PTPRA: variants seen among roughly 807,000 people sequenced by gnomAD.
The protein encoded by PTPRA is protein tyrosine phosphatase receptor type A.
Under a neutral mutation model 104.8 loss-of-function variants are expected in PTPRA, and 25 were observed. That is an observed-to-expected ratio of 0.24 (90% CI 0.17 to 0.33). PTPRA has a LOEUF of 0.33. Among genes scored for constraint, PTPRA ranks in the 10% least tolerant of loss-of-function variants. PTPRA has a pLI of 1.00. For synonymous variants in PTPRA, 323 were observed against 368.9 expected (o/e 0.88, Z 1.43); for missense variants, 765 against 1,015.3 (o/e 0.75, Z 3.35).
Position 3,022,315 on chromosome 20 carries a change from G to T in PTPRA, c.1328+95G>T, listed in dbSNP as rs2064917399. 6.8e-7 allele frequency: 1 copy of T among 1,462,478 alleles called. No homozygotes were observed. Among genetic ancestry groups the T allele is most frequent in the African/African-American group, 1.4e-5 (1 of 70,936 alleles). 90.6% of individuals were successfully genotyped at this position (1,462,478 alleles called of 1,614,324 possible). ...ACAAGGGCCCTGGCTGAGGAGGCTG[G>T]CACAGAGTAGATGACCTACTGGGGC... is the stretch of plus-strand genomic sequence containing the variant. On this transcript the variant is annotated intron_variant, in intron 15 of 23. Coordinates refer to ENST00000399903, the MANE Select transcript of PTPRA (RefSeq NM_001385305.1). The surrounding 1 kb of genome is among the most constrained non-coding windows in gnomAD (Gnocchi z 4.6).
intron 6 of PTPRA, among the ~76,000 whole-genome samples, chr20:2,975,659 T>C (rs73581775): frequency 0.059 from 9,044 of 152,174 alleles, 872 homozygotes; most frequent in African/African-American, 0.2. Flanking sequence ...TTATATGGAT[T>C]TTATGGATTT....
In PTPRA at chr20:2,988,083, C is replaced by T. The variant is rs1344249906; in HGVS notation, c.579C>T (p.Ser193=). The T allele has an allele frequency of 3.8e-6, 6 of 1,589,386 alleles. No homozygotes were observed. The highest frequency in any genetic ancestry group is 2.2e-5 in the East Asian group (1 of 44,776). The part of the protein sequence containing the change: ...AGSHSNSFRL[S]NGRTEDVEPQ... ...GCCATTCCAATTCTTTCCGCTTATC[C>T]AACGGCCGCACTGAGGATGTGGGTA... Residue 193 remains serine (S), a synonymous_variant, in exon 8 of 24, where the codon TCC becomes TCT. Coordinates refer to ENST00000399903, the MANE Select transcript of PTPRA (RefSeq NM_001385305.1).
Position 3,022,893 on chromosome 20 carries a change from T to G in PTPRA, c.1464+69T>G. 1 of 1,596,982 alleles carries G rather than the reference T, an allele frequency of 6.3e-7. No homozygotes were observed. The highest frequency in any genetic ancestry group is 8.5e-7 in the Non-Finnish European group (1 of 1,170,326). ...TAAAACATCTGCCCACATTGAGGAT[T>G]CACTCAGTCTCACAGGTTATTGTAA... On this transcript the variant is annotated intron_variant, in intron 16 of 23. Transcript: ENST00000399903. This position sits in a 1 kb window ranked among gnomAD's most constrained non-coding sequence, Gnocchi z 4.6.
At chr20:2,943,690 G>T (rs1303813046) in intron 2 of PTPRA, among the ~76,000 whole-genome samples, 1 of 152,068 alleles carries the variant, frequency 6.6e-6, no homozygotes, top group Non-Finnish European at 1.5e-5. Flanking sequence ...TCCAAATAAA[G>T]ACAGTAACAA....
Position 2,964,286 on chromosome 20 carries a change from C to T in PTPRA, c.9C>T (p.Ser3=). 6.2e-7 allele frequency: 1 copy of T among 1,610,258 alleles called. No individual in the cohort carries two copies. The highest frequency in any genetic ancestry group is 8.5e-7 in the Non-Finnish European group (1 of 1,178,344). MD[S]WFILVLLGSG... ...CTATTTTCCAGATAAGCATGGATTC[C>T]TGGTTCATTCTTGTTCTGCTCGGCA... Residue 3 remains serine (S), a synonymous_variant, in exon 4 of 24, where the codon TCC becomes TCT. Transcript: ENST00000399903.
At chr20:2,889,954 G>T (rs2058732815) in intron 1 of PTPRA, among the ~76,000 whole-genome samples, 1 of 152,056 alleles carries the variant, frequency 6.6e-6, no homozygotes, top group African/African-American at 2.4e-5. Flanking sequence ...TGCAATCATG[G>T]CTCACTGCAG....
At chr20:2,918,078 ACT>A (rs1356475848) in intron 1 of PTPRA, among the ~76,000 whole-genome samples, 1 of 122,506 alleles carries the variant, frequency 8.2e-6, no homozygotes, top group Non-Finnish European at 1.6e-5. Flanking sequence ...ATAGAGTGAG[ACT>A]CTGTCTCAAA....
chr20:3,018,507 T>C (rs73606200), intron 13 of PTPRA, among the ~76,000 whole-genome samples: 10 of 151,526 alleles, frequency 6.6e-5, no homozygotes, highest in Admixed American at 2.0e-4. Flanking sequence ...CCTGAGTGGA[T>C]ACAGCACATG....
chr20:2,911,594 C>T (rs1044646124), intron 1 of PTPRA, among the ~76,000 whole-genome samples: 1 of 152,040 alleles, frequency 6.6e-6, no homozygotes, highest in Non-Finnish European at 1.5e-5. Context: ...AATGTGTTTG[C>T]CCTGAAATAG....
At chr20:2,969,396 C>T (rs2062072992) in intron 5 of PTPRA, among the ~76,000 whole-genome samples, 1 of 151,662 alleles carries the variant, frequency 6.6e-6, no homozygotes, top group African/African-American at 2.4e-5. Context: ...TACACATGCC[C>T]ACCACCACAC....
intron 9 of PTPRA, among the ~76,000 whole-genome samples, chr20:2,989,824 TG>T (rs1398056157): frequency 1.3e-5 from 2 of 152,106 alleles, no homozygotes; most frequent in African/African-American, 4.8e-5. Flanking sequence ...GAGACCATCC[TG>T]GCTAACACAG....
At chr20:2,874,876 C>T (rs533054413) in intron 1 of PTPRA, among the ~76,000 whole-genome samples, 1 of 152,254 alleles carries the variant, frequency 6.6e-6, no homozygotes, top group East Asian at 1.9e-4. Flanking sequence ...CCCCTCATCC[C>T]GCTTGCTGGC....
chr20:2,993,546 C>T (rs1396912489), intron 9 of PTPRA, among the ~76,000 whole-genome samples: 2 of 152,156 alleles, frequency 1.3e-5, no homozygotes, highest in Non-Finnish European at 2.9e-5. Flanking sequence ...TTCAAGTAGT[C>T]CACACAACTT....
chr20:2,970,125 T>C (rs2062124619), intron 5 of PTPRA, among the ~76,000 whole-genome samples: 3 of 152,326 alleles, frequency 2.0e-5, no homozygotes, highest in Middle Eastern at 3.4e-3. Flanking sequence ...AGTAAAGAGC[T>C]GCTGTATTGA....
intron 6 of PTPRA, among the ~76,000 whole-genome samples, chr20:2,979,002 G>T (rs1056842101): frequency 1.3e-5 from 2 of 152,152 alleles, no homozygotes; most frequent in Non-Finnish European, 2.9e-5. Flanking sequence ...CTTTGCAAAT[G>T]TTACCTCTTT....
At chr20:2,989,824 T>A (rs967166932) in intron 9 of PTPRA, among the ~76,000 whole-genome samples, 1 of 152,106 alleles carries the variant, frequency 6.6e-6, no homozygotes, top group African/African-American at 2.4e-5. Flanking sequence ...GAGACCATCC[T>A]GGCTAACACA....
At chr20:2,991,272 G>A (rs1011896972) in intron 9 of PTPRA, among the ~76,000 whole-genome samples, 1 of 152,084 alleles carries the variant, frequency 6.6e-6, no homozygotes, top group Non-Finnish European at 1.5e-5. Flanking sequence ...GGCTGAGGCA[G>A]GAGAATTGCT....
intron 9 of PTPRA, among the ~76,000 whole-genome samples, chr20:2,990,248 A>G (rs1012573447): frequency 6.6e-6 from 1 of 152,140 alleles, no homozygotes; most frequent in African/African-American, 2.4e-5. Context: ...TTCCTTCACA[A>G]CTTTCCACTA....
chr20:2,900,016 A>G (rs1406523199), intron 1 of PTPRA, among the ~76,000 whole-genome samples: 2 of 152,174 alleles, frequency 1.3e-5, no homozygotes, highest in African/African-American at 2.4e-5. Flanking sequence ...AGGCTGAGGC[A>G]GGAGAATCGT....
Sources: allele counts gnomAD v4.1 joint callset (sites outside exome capture counted in the v4.1 genomes callset), GRCh38; gene constraint gnomAD v4.1.1; non-coding constraint Gnocchi (gnomAD v3.1); transcripts MANE v1.5; gene names NCBI Gene and HGNC (gene_info 2026-07-23, HGNC 2026-07-21).